Variants in LRRC37B observed in about 807,000 individuals in gnomAD.
The protein encoded by LRRC37B is leucine-rich repeat-containing protein 37B.
Under a neutral mutation model 98.3 loss-of-function variants are expected in LRRC37B, and 28 were observed. That is an observed-to-expected ratio of 0.28 (90% CI 0.21 to 0.39). The LOEUF is 0.39. Among genes scored for constraint, LRRC37B ranks in the 10% least tolerant of loss-of-function variants. LRRC37B has a pLI of 1.00. For missense variants in LRRC37B, 938 were observed against 1,182.7 expected, an observed-to-expected ratio of 0.79 and a Z score of 3.03; for synonymous variants, 364 against 442.7, an observed-to-expected ratio of 0.82 and a Z score of 2.23.
At chr17:32,047,893 G>T (rs1911636547) in exon 9 of LRRC37B, 2 of 1,614,102 alleles carry the variant, frequency 1.2e-6, no homozygotes, top group African/African-American at 2.7e-5. Flanking sequence ...AACTTGTCAG[G>T]CTTTGGGGGT....
chr17:32,051,897 C>T (rs1911771385), intron 11 of LRRC37B: 1 of 152,154 alleles, frequency 6.6e-6, no homozygotes, highest in Non-Finnish European at 1.5e-5. Flanking sequence ...TGTTAGATAA[C>T]AGATCTTTGT....
chr17:32,011,976 G>T (rs1420947765), intron 1 of LRRC37B, among the ~76,000 whole-genome samples: 1 of 151,802 alleles, frequency 6.6e-6, no homozygotes, highest in Non-Finnish European at 1.5e-5. Context: ...CTTTGTTGTT[G>T]GTTTCTAATT....
At position 32,024,880 on chromosome 17, in the gene LRRC37B, T is replaced by C. The variant is rs1276042364; in HGVS notation, c.1832+98T>C. 6.0e-5 allele frequency: 88 copies of C among 1,478,450 alleles called. 1 individual carries two copies. The highest frequency in any genetic ancestry group is 7.2e-5 in the Non-Finnish European group (78 of 1,086,442). The allele number at this position is 1,478,450 out of a possible 1,614,324, so 91.6% of individuals were successfully genotyped here. On this transcript the variant is annotated intron_variant, in intron 2 of 11. Coordinates refer to ENST00000327564, the Ensembl canonical transcript of LRRC37B. ...GGTCCATACCTCTGAGAAAAGATATTTCCCCTCCATACCCCAAATCAGCCT... is the reference window on the plus strand; with the variant it reads ...GGTCCATACCTCTGAGAAAAGATATCTCCCCTCCATACCCCAAATCAGCCT...
intron 7 of LRRC37B, among the ~76,000 whole-genome samples, chr17:32,038,818 A>C (rs546846261): frequency 1.5e-4 from 23 of 152,354 alleles, no homozygotes; most frequent in African/African-American, 5.1e-4. Context: ...AGATTGCACC[A>C]CTGCACTCCA....
intron 7 of LRRC37B, among the ~76,000 whole-genome samples, chr17:32,044,505 A>T (rs1054190335): frequency 3.9e-5 from 6 of 152,190 alleles, no homozygotes; most frequent in African/African-American, 1.4e-4. Flanking sequence ...TAGGTGACGT[A>T]TCTTTCCTGC....
chr17:32,021,633 G>C, exon 1 of LRRC37B: 1 of 1,614,234 alleles, frequency 6.2e-7, no homozygotes, highest in African/African-American at 1.3e-5. Context: ...TCTAGATCGG[G>C]CTGCAGGTCA....
At chr17:32,007,517 C>G (rs542377302), upstream of LRRC37B, among the ~76,000 whole-genome samples, 67 of 152,180 alleles carry the variant, frequency 4.4e-4, no homozygotes, top group African/African-American at 1.2e-3. This position sits in a 1 kb window ranked among gnomAD's most constrained non-coding sequence, Gnocchi z 4.1. Context: ...CCCCTCGGGC[C>G]TCCCAACCCG....
chr17:32,052,211 A>T (rs1455284080), intron 11 of LRRC37B: 2 of 145,976 alleles, frequency 1.4e-5, no homozygotes, highest in Admixed American at 6.9e-5. Context: ...TTTCTTTCTC[A>T]GGGCCTTGTT....
intron 1 of LRRC37B, 69 bp downstream of exon 1, chr17:32,008,201 T>G (rs59722712): frequency 2.4e-4 from 49 of 203,580 alleles, no homozygotes; most frequent in African/African-American, 1.2e-3. Context: ...TGCTCACTTA[T>G]GTGCTGTGCA....
At chr17:32,043,810 C>T (rs975339350) in intron 7 of LRRC37B, among the ~76,000 whole-genome samples, 1 of 152,116 alleles carries the variant, frequency 6.6e-6, no homozygotes, top group Non-Finnish European at 1.5e-5. Flanking sequence ...CCATTGAATA[C>T]TCTTCTGTTT....
exon 12 of LRRC37B, chr17:32,053,412 A>G (rs1410393887): frequency 2.3e-6 from 2 of 887,560 alleles, no homozygotes; most frequent in Non-Finnish European, 3.5e-6. Context: ...AATCAATGAA[A>G]ACTTTCTTTA....
In LRRC37B at chr17:32,037,471, G is replaced by A. The variant is rs192279195; in HGVS notation, c.2204+1832G>A. 1.5e-3 allele frequency among the ~76,000 whole-genome samples: 229 copies of A among 151,968 alleles called. 1 individual carries two copies. Among genetic ancestry groups the A allele is most frequent in the Non-Finnish European group, 1.6e-3 (109 of 67,970 alleles). On this transcript the variant is annotated intron_variant, in intron 7 of 11. Transcript: ENST00000327564. The stretch of plus-strand genomic sequence containing the variant: ...AGTAGAGATGGGGTTTCATCTTGTC[G>A]GCCAGGCTGGTCTCAAACTCCTGGC...
At chr17:32,012,093 A>G (rs1910537344) in intron 1 of LRRC37B, among the ~76,000 whole-genome samples, 1 of 152,188 alleles carries the variant, frequency 6.6e-6, no homozygotes, top group Admixed American at 6.5e-5. Context: ...TTCAGTTTGT[A>G]ATAGGAAAGA....
intron 7 of LRRC37B, among the ~76,000 whole-genome samples, chr17:32,043,359 G>A (rs1005600292): frequency 6.6e-6 from 1 of 152,122 alleles, no homozygotes; most frequent in Non-Finnish European, 1.5e-5. Flanking sequence ...TCAGGAGTTT[G>A]AGACCAGCCT....
At chr17:32,026,450 T>C (rs939211221) in intron 2 of LRRC37B, among the ~76,000 whole-genome samples, 7 of 152,182 alleles carry the variant, frequency 4.6e-5, no homozygotes, top group South Asian at 2.1e-4. Flanking sequence ...TTTTTCGAGA[T>C]GGAATTTTGT....
At chr17:32,040,401 C>T (rs1470315421) in intron 7 of LRRC37B, 9 of 489,596 alleles carry the variant, frequency 1.8e-5, no homozygotes, top group African/African-American at 5.9e-5. Flanking sequence ...GTTGCTGGCA[C>T]GGTCCGGGCG....
At chr17:32,021,882 G>T in exon 1 of LRRC37B, 1 of 1,614,190 alleles carries the variant, frequency 6.2e-7, no homozygotes, top group Non-Finnish European at 8.5e-7. Flanking sequence ...GGTGAACGCA[G>T]ATGAGCCTCC....
chr17:32,041,483 C>T, intron 7 of LRRC37B: 1 of 647,344 alleles, frequency 1.5e-6, no homozygotes, highest in Non-Finnish European at 2.9e-6. Context: ...AGTTGGGCTT[C>T]TTCCTGCTCA....
chr17:32,038,290 C>T (rs1324780809), intron 7 of LRRC37B, among the ~76,000 whole-genome samples: 1 of 151,858 alleles, frequency 6.6e-6, no homozygotes, highest in Non-Finnish European at 1.5e-5. Context: ...GAAACCTTGT[C>T]TCTACCAAAA....
Sources: gnomAD v4.1 joint callset for allele counts (sites outside exome capture counted in the v4.1 genomes callset) on GRCh38, gnomAD v4.1.1 for gene constraint, Gnocchi (gnomAD v3.1) non-coding constraint, MANE v1.5 for transcripts, NCBI Gene and HGNC (gene_info 2026-07-23, HGNC 2026-07-21) for gene names.